PELP1: variants seen among roughly 807,000 people sequenced by gnomAD.
The protein encoded by PELP1 is proline-, glutamic acid- and leucine-rich protein 1.
PELP1 carries 32 observed loss-of-function variants against 95.5 expected under a neutral mutation model. That is an observed-to-expected ratio of 0.34 (90% CI 0.25 to 0.45). The LOEUF is 0.45. Among genes scored for constraint, PELP1 ranks in the 20% least tolerant of loss-of-function variants. The probability of loss-of-function intolerance (pLI) is 1.00; values close to 1 mark genes in which losing one functional copy is unlikely to be tolerated. For missense variants in PELP1, 1,358 were observed against 1,444.8 expected (o/e 0.94, Z 0.97); for synonymous variants, 668 against 600.1 (o/e 1.11, Z -1.65).
Position 4,672,100 on chromosome 17 carries a change from T to G in PELP1, c.2891A>C (p.Glu964Ala). Residue 964 changes from glutamate to alanine, a missense_variant, in exon 16 of 17, where the codon GAG becomes GCG. Around this residue, in one of 7 missense-constraint regions of PELP1, gnomAD observed 283 missense variants for 284.1 expected, o/e 1.00. Coordinates refer to ENST00000572293, the MANE Select transcript of PELP1 (RefSeq NM_014389.3). The stretch of plus-strand genomic sequence containing the variant: ...TACCTCCCCTCCTGCTGTGCCAAAC[T>G]CCAGGTCTTCCACCTCTTCCAGTTC... Reference protein sequence around the residue: ...EEELEEVEDLEFGTAGGEVEE... With the variant: ...EEELEEVEDLAFGTAGGEVEE... 6.4e-7 allele frequency: 1 copy of G among 1,553,998 alleles called. No homozygotes were observed. The highest frequency in any genetic ancestry group is 8.7e-7 in the Non-Finnish European group (1 of 1,148,250).
At chr17:4,687,760 C>G (rs1912957967) in intron 3 of PELP1, among the ~76,000 whole-genome samples, 1 of 152,162 alleles carries the variant, frequency 6.6e-6, no homozygotes, top group Middle Eastern at 3.2e-3. Context: ...CTCACTGTCT[C>G]TCCAGAGCTT....
rs76038822 is a variant in PELP1 at position 4,674,589 on chromosome 17, C to T, written c.1503G>A (p.Val501=). The T allele has an allele frequency of 2.0e-5, 32 of 1,611,166 alleles. No homozygotes were observed. The African/African-American group carries it at 3.7e-4, about 19-fold the overall frequency. ...GGCTTGGCGGGGCCATAGCTTCCCC[C>T]ACATCCAGCTTTAGCTTCTTGGGGG... The part of the protein sequence containing the change: ...PSAPKKLKLD[V]GEAMAPPSHR... Residue 501 remains valine, a synonymous_variant, in exon 13 of 17, where the codon GTG becomes GTA. Transcript: ENST00000572293.
chr17:4,703,659 G>A (rs1215478865), intron 1 of PELP1, among the ~76,000 whole-genome samples: 1 of 152,192 alleles, frequency 6.6e-6, no homozygotes, highest in Admixed American at 6.5e-5. Flanking sequence ...AGAAAAATAA[G>A]GCCCATTTTT....
chr17:4,674,451 AG>A, intron 13 of PELP1, 58 bp downstream of exon 13: 2 of 1,498,578 alleles, frequency 1.3e-6, no homozygotes, highest in Non-Finnish European at 1.8e-6. Context: ...GAGTCCCACT[AG>A]GGGAAAGGAT....
chr17:4,703,687 G>A (rs369211219), intron 1 of PELP1, among the ~76,000 whole-genome samples, 176 bp downstream of exon 1: 7 of 152,294 alleles, frequency 4.6e-5, no homozygotes, highest in African/African-American at 1.4e-4. Flanking sequence ...AGAAACTCAT[G>A]GCCGATAAAG....
rs1912245515 is a variant in PELP1, at chr17:4,672,286, T to C, written c.2705A>G (p.Glu902Gly). 2 of 1,550,970 alleles carry C rather than the reference T, an allele frequency of 1.3e-6. No individual in the cohort carries two copies. The highest frequency in any genetic ancestry group is 2.8e-5 in the African/African-American group (2 of 72,662). Residue 902 changes from glutamate (E) to glycine (G), a missense_variant, in exon 16 of 17, where the codon GAA (glutamate) becomes GGA (glycine). By Grantham distance (98) the Glu-to-Gly change is moderately conservative. Transcript: ENST00000572293. ...AAAGTCTTCCTCCTCTTCCTCTTCTTCCTCTTCTTCTTCTTCCTCTTCTTC... is the reference window on the plus strand; with the variant it reads ...AAAGTCTTCCTCCTCTTCCTCTTCTCCCTCTTCTTCTTCTTCCTCTTCTTC... The part of the protein sequence containing the change: ...EEEEEEEEEE[E>G]EEEEEEDFEE...
chr17:4,700,443 G>C (rs984959983), intron 1 of PELP1, among the ~76,000 whole-genome samples: 3 of 151,994 alleles, frequency 2.0e-5, no homozygotes, highest in Non-Finnish European at 4.4e-5. Flanking sequence ...TCAGAAGTTC[G>C]AGACCAGCCT....
Position 4,676,766 on chromosome 17 carries a change from G to A in PELP1, c.689C>T (p.Pro230Leu), listed in dbSNP as rs868081523. ...CCTGCCCTTTACCTGTTGGAGCTGA[G>A]GGCTCAAGGCATCCACCCTAGACAG... ...FFLSRVDALSPQLQQLACECY... is the reference protein window; with the variant it reads ...FFLSRVDALSLQLQQLACECY... The change falls in exon 6 of 17, where the codon CCT becomes CTT. Residue 230 changes from proline to leucine, a missense_variant. Physicochemically the swap from Pro to Leu is moderately conservative, Grantham distance 98 (BLOSUM62 -3). Around this residue, in one of 7 missense-constraint regions of PELP1, gnomAD observed 538 missense variants for 628.1 expected, o/e 0.86. Coordinates refer to ENST00000572293, the MANE Select transcript of PELP1 (RefSeq NM_014389.3). 6.4e-7 allele frequency: 1 copy of A among 1,570,436 alleles called. No individual in the cohort carries two copies. The highest frequency in any genetic ancestry group is 8.6e-7 in the Non-Finnish European group (1 of 1,157,342).
At position 4,672,079 on chromosome 17, in the gene PELP1, T is replaced by TCC; in HGVS notation, c.2910_2911dup (p.Glu971GlyfsTer3). 6.4e-7 allele frequency: 1 copy of TCC among 1,555,390 alleles called. No individual in the cohort carries two copies. Among genetic ancestry groups the TCC allele is most frequent in the Non-Finnish European group, 8.7e-7 (1 of 1,149,246 alleles). On this transcript the variant is annotated frameshift_variant, in exon 16 of 17. Coordinates refer to ENST00000572293, the MANE Select transcript of PELP1 (RefSeq NM_014389.3). LOFTEE classifies it high-confidence loss of function. ...GGGTGGAGGTGCACCTTCTTCTACCTCCCCTCCTGCTGTGCCAAACTCCAG... is the reference window on the plus strand; with the variant it reads ...GGGTGGAGGTGCACCTTCTTCTACCTCCCCCCTCCTGCTGTGCCAAACTCCAG...
rs776951385 is a variant in PELP1 at position 4,675,182 on chromosome 17, G to A, written c.1171C>T (p.Leu391Phe). ...CCGATCAGGATCCCAAAGCGCAAGA[G>A]CCGGCTTCCACACCTGGGGCAGAGA... ...SALILACGSRLLRFGILIGRL... is the reference protein window; with the variant it reads ...SALILACGSRFLRFGILIGRL... Residue 391 changes from leucine (L) to phenylalanine (F), a missense_variant, in exon 11 of 17, where the codon CTC (leucine) becomes TTC (phenylalanine). This residue lies in a region of PELP1 where 538 missense variants were observed against 628.1 expected (regional missense o/e 0.86). Transcript: ENST00000572293. This position sits in a 1 kb window ranked among gnomAD's most constrained non-coding sequence, Gnocchi z 4.3. 7.4e-6 allele frequency: 12 copies of A among 1,613,590 alleles called. No individual in the cohort carries two copies. Among genetic ancestry groups the A allele is most frequent in the Non-Finnish European group, 1.0e-5 (12 of 1,179,798 alleles).
chr17:4,683,760 G>T (rs1333641835), intron 3 of PELP1, among the ~76,000 whole-genome samples: 1 of 99,474 alleles, frequency 1.0e-5, no homozygotes, highest in Non-Finnish European at 2.2e-5. Flanking sequence ...TGAACTCTGG[G>T]AGTCAAGTGA....
chr17:4,676,287 G>A, intron 7 of PELP1, 70 bp downstream of exon 7: 5 of 1,578,446 alleles, frequency 3.2e-6, no homozygotes, highest in Non-Finnish European at 3.5e-6. Flanking sequence ...ATGTCTCTGG[G>A]CTCCCCTCCT....
intron 2 of PELP1, 24 bp downstream of exon 2, chr17:4,691,354 G>A: frequency 6.3e-7 from 1 of 1,578,468 alleles, no homozygotes; most frequent in Non-Finnish European, 8.7e-7. Flanking sequence ...CGCCCCTGGA[G>A]AAAAAAAAGG....
At chr17:4,682,977 G>A in intron 3 of PELP1, 25 bp from the exon 4 acceptor site, 1 of 1,450,584 alleles carries the variant, frequency 6.9e-7, no homozygotes, top group Non-Finnish European at 9.1e-7. Context: ...AATGTCTCGT[G>A]CTTCCAGCCT....
chr17:4,703,752 G>T, intron 1 of PELP1, 111 bp downstream of exon 1: 1 of 890,574 alleles, frequency 1.1e-6, no homozygotes, highest in Non-Finnish European at 1.7e-6. Flanking sequence ...TCTGCCCGCA[G>T]CTCTCCTTCC....
chr17:4,687,654 T>C (rs533439154), intron 3 of PELP1, among the ~76,000 whole-genome samples: 1 of 152,292 alleles, frequency 6.6e-6, no homozygotes, highest in South Asian at 2.1e-4. Context: ...AAACTATATG[T>C]GGTTCACAAA....
chr17:4,690,054 G>T (rs1485328434), intron 3 of PELP1, among the ~76,000 whole-genome samples: 1 of 152,012 alleles, frequency 6.6e-6, no homozygotes, highest in East Asian at 1.9e-4. Flanking sequence ...GAGAGAGAGA[G>T]AAAATGTGGT....
intron 1 of PELP1, 26 bp downstream of exon 1, chr17:4,703,837 C>A (rs755643345): frequency 2.5e-6 from 4 of 1,589,866 alleles, no homozygotes; most frequent in Middle Eastern, 1.7e-4. Flanking sequence ...CCCACAGGGC[C>A]GCGGGCACGC....
intron 5 of PELP1, among the ~76,000 whole-genome samples, chr17:4,681,021 G>A (rs1243390888): frequency 6.6e-6 from 1 of 152,144 alleles, no homozygotes; most frequent in African/African-American, 2.4e-5. Flanking sequence ...ACCTACTAAG[G>A]CTCTTTTGTA....
Sources: gnomAD v4.1 joint callset for allele counts (sites outside exome capture counted in the v4.1 genomes callset) on GRCh38, gnomAD v4.1.1 for gene constraint, gnomAD v4.1.1 regional missense constraint, Gnocchi (gnomAD v3.1) non-coding constraint, MANE v1.5 for transcripts, NCBI Gene and HGNC (gene_info 2026-07-23, HGNC 2026-07-21) for gene names.